The following CALCR variants were observed in gnomAD, a reference collection of about 807,000 sequenced individuals.
CALCR encodes the protein calcitonin receptor.
CALCR carries 47 observed loss-of-function variants against 59.5 expected under a neutral mutation model. The observed-to-expected ratio is 0.79, with a 90% confidence interval of 0.63 to 1.01. The LOEUF (loss-of-function observed/expected upper bound fraction) is 1.01, where lower values mean the gene tolerates loss of function less well. CALCR is among the 50% of genes least tolerant of loss of function. The pLI is 0.00. For synonymous variants in CALCR, 213 were observed against 211.3 expected (o/e 1.01, Z -0.07); for missense variants, 566 against 597.1 (o/e 0.95, Z 0.54).
chr7:93,477,961 C>CAAAAAAAAAAAAAAA (rs71107894), intron 4 of CALCR, among the ~76,000 whole-genome samples: 10 of 54,398 alleles, frequency 1.8e-4, no homozygotes, highest in African/African-American at 5.6e-4. Context: ...GACCCTCTCT[C>CAAAAAAAAAAAAAAA]AAAAAAAAAA....
In CALCR at chr7:93,532,838, C is replaced by CAAAA. The variant is rs57128008; in HGVS notation, c.-27+41447_-27+41450dup. On this transcript the variant is annotated intron_variant, in intron 2 of 13. Transcript: ENST00000426151. ...TAGCCTTGATTCCTCATGTCCAAAG[C>CAAAA]AAAAAAAAAAAAAAAAAAAAAAAAA... is the stretch of plus-strand genomic sequence containing the variant. Among the ~76,000 whole-genome samples, 124 of 95,664 alleles carry CAAAA rather than the reference C, an allele frequency of 1.3e-3. 5 individuals are homozygous for CAAAA. Among genetic ancestry groups the CAAAA allele is most frequent in the African/African-American group, 4.6e-3 (91 of 19,924 alleles). The allele number at this position is 95,664 out of a possible 152,430, so 62.8% of individuals were successfully genotyped here.
chr7:93,426,618 A>G, intron 13 of CALCR, 29 bp from the exon 14 acceptor site: 1 of 1,163,890 alleles, frequency 8.6e-7, no homozygotes, highest in Non-Finnish European at 1.3e-6. Context: ...CCTTGTTTTT[A>G]TATGATAGTC....
intron 2 of CALCR, among the ~76,000 whole-genome samples, chr7:93,545,593 T>C (rs1789265549): frequency 6.6e-6 from 1 of 152,154 alleles, no homozygotes; most frequent in Admixed American, 6.5e-5. Flanking sequence ...CCTGAGAACA[T>C]GTTTTAAAAA....
chr7:93,528,835 C>T (rs1400523965), intron 2 of CALCR, among the ~76,000 whole-genome samples: 1 of 151,980 alleles, frequency 6.6e-6, no homozygotes, highest in Non-Finnish European at 1.5e-5. Flanking sequence ...TCTGATGTAC[C>T]CCCATTCAAG....
intron 9 of CALCR, among the ~76,000 whole-genome samples, chr7:93,439,758 C>A (rs578207584): frequency 6.6e-6 from 1 of 152,132 alleles, no homozygotes; most frequent in South Asian, 2.1e-4. Flanking sequence ...ATATAGAAGT[C>A]CATGGGGGAA....
intron 2 of CALCR, among the ~76,000 whole-genome samples, chr7:93,568,061 C>T (rs1276290529): frequency 6.6e-6 from 1 of 152,052 alleles, no homozygotes; most frequent in African/African-American, 2.4e-5. Context: ...GAGAAAAATA[C>T]TTTACATACT....
In CALCR at chr7:93,481,279, A is replaced by G. The variant is rs148866325; in HGVS notation, c.52-1772T>C. On this transcript the variant is annotated intron_variant, in intron 3 of 13. Transcript: ENST00000426151. Reference sequence around the variant, plus strand: ...TGAAGGTTGTGAAAGGAGAATTTTTAGTAAAATTCATGCAGCAGGCATCAG... The same window carrying G: ...TGAAGGTTGTGAAAGGAGAATTTTTGGTAAAATTCATGCAGCAGGCATCAG... 5.9e-5 allele frequency among the ~76,000 whole-genome samples: 9 copies of G among 151,962 alleles called. No homozygotes were observed. The East Asian group carries it at 1.8e-3, about 30-fold the overall frequency.
intron 2 of CALCR, among the ~76,000 whole-genome samples, chr7:93,562,667 A>C (rs1202858199): frequency 6.6e-6 from 1 of 152,164 alleles, no homozygotes; most frequent in African/African-American, 2.4e-5. Context: ...CTTTTATTTA[A>C]TGTGGGGCAA....
At chr7:93,438,948 T>A (rs1400000620) in intron 9 of CALCR, among the ~76,000 whole-genome samples, 1 of 151,890 alleles carries the variant, frequency 6.6e-6, no homozygotes, top group Non-Finnish European at 1.5e-5. Flanking sequence ...ATGGACACAG[T>A]TATTGCAATA....
rs558479209 is a variant in CALCR, at chr7:93,500,958, C to A, written c.-26-13951G>T. 2.0e-5 allele frequency among the ~76,000 whole-genome samples: 3 copies of A among 152,026 alleles called. No homozygotes were observed. In the South Asian group the frequency reaches 6.2e-4, roughly 32 times the overall value. On this transcript the variant is annotated intron_variant, in intron 2 of 13. Transcript: ENST00000426151. ...TCTTCCTATTAAATTATTTAAGAAT[C>A]CATTTTCCTGAAATTTGAGTGCCCT... is the stretch of plus-strand genomic sequence containing the variant.
At chr7:93,463,033 A>G (rs1240829433) in intron 7 of CALCR, among the ~76,000 whole-genome samples, 2 of 151,904 alleles carry the variant, frequency 1.3e-5, no homozygotes, top group African/African-American at 2.4e-5. Flanking sequence ...ATTTAAGAAA[A>G]ATGTTCTGTT....
intron 2 of CALCR, among the ~76,000 whole-genome samples, chr7:93,537,076 G>A (rs1464180973): frequency 2.3e-5 from 3 of 131,138 alleles, no homozygotes; most frequent in East Asian, 2.2e-4. Flanking sequence ...CTATTCTTGC[G>A]ACTTTTTTGT....
At chr7:93,531,499 T>A (rs1161898217) in intron 2 of CALCR, among the ~76,000 whole-genome samples, 3 of 152,172 alleles carry the variant, frequency 2.0e-5, no homozygotes, top group African/African-American at 2.4e-5. Flanking sequence ...ACATGCCATA[T>A]TGGAAGATGG....
At chr7:93,473,901 A>AT (rs1737694734) in intron 5 of CALCR, among the ~76,000 whole-genome samples, 1 of 151,282 alleles carries the variant, frequency 6.6e-6, no homozygotes, top group African/African-American at 2.4e-5. Flanking sequence ...TTTTATTTTA[A>AT]TTTTTTTAGG....
At chr7:93,522,100 G>A (rs74957069) in intron 2 of CALCR, among the ~76,000 whole-genome samples, 5,048 of 152,012 alleles carry the variant, frequency 0.033, 292 homozygotes, top group African/African-American at 0.12. Context: ...GTGTCTGAGC[G>A]GGGATTTATT....
At chr7:93,454,916 TTGTGTGTGTGTGTG>T (rs4015273) in intron 8 of CALCR, among the ~76,000 whole-genome samples, 5 of 145,006 alleles carry the variant, frequency 3.4e-5, no homozygotes, top group East Asian at 2.1e-4. Flanking sequence ...ACAGGGCATT[TTGTGTGTGTGTGTG>T]TGTGTGTGTG....
chr7:93,482,917 A>C (rs1800831310), intron 3 of CALCR: 4 of 519,900 alleles, frequency 7.7e-6, no homozygotes, highest in Non-Finnish European at 1.2e-5. Context: ...GGTCTGGTTC[A>C]TATTTGAGCA....
chr7:93,566,260 G>T (rs1489235232), intron 2 of CALCR, among the ~76,000 whole-genome samples: 1 of 151,566 alleles, frequency 6.6e-6, no homozygotes, highest in Non-Finnish European at 1.5e-5. Flanking sequence ...TTTTTTCTGT[G>T]CAGTAATGTT....
intron 2 of CALCR, among the ~76,000 whole-genome samples, chr7:93,511,522 T>C (rs1368533221): frequency 6.6e-6 from 1 of 152,088 alleles, no homozygotes; most frequent in Non-Finnish European, 1.5e-5. Flanking sequence ...ATTGAACATA[T>C]TGGTATATGC....
Sources: gnomAD v4.1 joint callset for allele counts (sites outside exome capture counted in the v4.1 genomes callset) on GRCh38, gnomAD v4.1.1 for gene constraint, MANE v1.5 for transcripts, NCBI Gene and HGNC (gene_info 2026-07-23, HGNC 2026-07-21) for gene names.